TBC1D12: variants seen among roughly 807,000 people sequenced by gnomAD.
TBC1D12 encodes the protein TBC1 domain family, member 12.
In TBC1D12, 56 loss-of-function variants were observed where a neutral mutation model predicts 86.7. That is an observed-to-expected ratio of 0.65 (90% CI 0.52 to 0.81). The LOEUF (loss-of-function observed/expected upper bound fraction) is 0.81. Among genes scored for constraint, TBC1D12 ranks in the 30% least tolerant of loss-of-function variants. The pLI, the probability that TBC1D12 is intolerant of heterozygous loss-of-function variation, is 0.00. For missense variants in TBC1D12, 1,023 were observed against 1,038.8 expected (o/e 0.98, Z 0.21); for synonymous variants, 421 against 411.7 (o/e 1.02, Z -0.27).
chr10:94,403,632 C>G (rs1285093233), intron 1 of TBC1D12, 48 bp downstream of exon 1: 6 of 1,402,022 alleles, frequency 4.3e-6, no homozygotes, highest in South Asian at 3.3e-5. Context: ...GGGCCGGGGC[C>G]GGAGCCGGGG....
chr10:94,500,876 C>G (rs574912921), intron 6 of TBC1D12, among the ~76,000 whole-genome samples: 4 of 151,600 alleles, frequency 2.6e-5, no homozygotes, highest in South Asian at 4.2e-4. Context: ...GCCAACATAG[C>G]GAAACCCTGT....
intron 4 of TBC1D12, among the ~76,000 whole-genome samples, chr10:94,494,833 C>T (rs555008125): frequency 1.3e-5 from 2 of 152,162 alleles, no homozygotes; most frequent in African/African-American, 4.8e-5. Flanking sequence ...TGTGAGCCAC[C>T]ACATCCAGCC....
chr10:94,484,556 C>T lies in TBC1D12; in HGVS notation c.1212-8809C>T, dbSNP rs552077580. Among the ~76,000 whole-genome samples the T allele has an allele frequency of 3.3e-5, 5 of 152,218 alleles. No homozygotes were observed. In the South Asian group the frequency reaches 8.3e-4, roughly 25 times the overall value. The stretch of plus-strand genomic sequence containing the variant: ...CGCCTGGCCAGTTTTGTTCTTTTTG[C>T]TCAAAATAGCTTTGGCTATTCTTGG... On this transcript the variant is annotated intron_variant, in intron 3 of 12. Coordinates refer to ENST00000225235, the MANE Select transcript of TBC1D12 (RefSeq NM_015188.2).
At chr10:94,436,794 CT>C (rs879687862) in intron 1 of TBC1D12, among the ~76,000 whole-genome samples, 116 of 142,510 alleles carry the variant, frequency 8.1e-4, no homozygotes, top group Non-Finnish European at 7.4e-4. Flanking sequence ...AGAAAAAAAT[CT>C]TTTTTTTTTT....
At chr10:94,488,986 A>G (rs925123944) in intron 3 of TBC1D12, among the ~76,000 whole-genome samples, 1 of 152,106 alleles carries the variant, frequency 6.6e-6, no homozygotes, top group Non-Finnish European at 1.5e-5. Context: ...GGAGTGGCGT[A>G]AGCACTCCCC....
intron 3 of TBC1D12, among the ~76,000 whole-genome samples, chr10:94,477,214 G>A (rs928002668): frequency 1.3e-5 from 2 of 152,120 alleles, no homozygotes; most frequent in Non-Finnish European, 2.9e-5. Context: ...GGTCTCTAGT[G>A]TTCCACCCAA....
intron 2 of TBC1D12, among the ~76,000 whole-genome samples, chr10:94,465,899 CGCAT>C (rs1307520713): frequency 3.3e-5 from 5 of 149,540 alleles, no homozygotes; most frequent in African/African-American, 1.2e-4. Context: ...TACATACATA[CGCAT>C]ATATACATAT....
chr10:94,483,663 A>G (rs1564970111), intron 3 of TBC1D12, among the ~76,000 whole-genome samples: 1 of 152,210 alleles, frequency 6.6e-6, no homozygotes, highest in South Asian at 2.1e-4. Flanking sequence ...TCTAGTTATT[A>G]TATTAATCCC....
intron 1 of TBC1D12, among the ~76,000 whole-genome samples, chr10:94,406,138 A>G (rs1363959541): frequency 6.6e-6 from 1 of 152,192 alleles, no homozygotes; most frequent in East Asian, 1.9e-4. Flanking sequence ...AGGCTTTCAT[A>G]TTATTAACAG....
chr10:94,481,109 G>A (rs187352335), intron 3 of TBC1D12, among the ~76,000 whole-genome samples: 55 of 141,746 alleles, frequency 3.9e-4, no homozygotes, highest in East Asian at 2.0e-3. Context: ...TCATTTAACC[G>A]TGCTGTAAAC....
chr10:94,488,175 C>T (rs972660477), intron 3 of TBC1D12, among the ~76,000 whole-genome samples: 2 of 151,872 alleles, frequency 1.3e-5, no homozygotes, highest in Non-Finnish European at 2.9e-5. Context: ...CACTTGAGGT[C>T]AGGAGTTCCA....
chr10:94,406,962 C>A (rs1290713598), intron 1 of TBC1D12, among the ~76,000 whole-genome samples: 2 of 152,116 alleles, frequency 1.3e-5, no homozygotes, highest in Admixed American at 6.5e-5. Flanking sequence ...TTTTCTCTCC[C>A]ACCTATTTAT....
chr10:94,521,043 A>G (rs1321902759), intron 9 of TBC1D12, among the ~76,000 whole-genome samples: 1 of 151,176 alleles, frequency 6.6e-6, no homozygotes, highest in Non-Finnish European at 1.5e-5. Flanking sequence ...TTTTTTTTTT[A>G]ATTAAACAAA....
chr10:94,519,797 CCTT>C (rs1406074491), intron 9 of TBC1D12, among the ~76,000 whole-genome samples: 2 of 152,170 alleles, frequency 1.3e-5, no homozygotes, highest in Non-Finnish European at 2.9e-5. Context: ...GACTAACCTG[CCTT>C]CTTCTTTCAC....
At chr10:94,531,516 A>T in intron 12 of TBC1D12, 56 bp downstream of exon 12, 3 of 1,484,776 alleles carry the variant, frequency 2.0e-6, no homozygotes, top group Non-Finnish European at 2.7e-6. Flanking sequence ...GACTTATTGT[A>T]AAAAAGTTAG....
intron 1 of TBC1D12, among the ~76,000 whole-genome samples, chr10:94,414,198 A>G (rs1345653628): frequency 6.6e-6 from 1 of 152,140 alleles, no homozygotes; most frequent in Non-Finnish European, 1.5e-5. Context: ...GATAAAGAAG[A>G]TTTGAGGGTT....
intron 3 of TBC1D12, among the ~76,000 whole-genome samples, chr10:94,475,521 C>G (rs1403250218): frequency 6.6e-6 from 1 of 152,184 alleles, no homozygotes; most frequent in African/African-American, 2.4e-5. Context: ...GCTTCCACTT[C>G]CTGGGTTCAA....
At position 94,497,159 on chromosome 10, in the gene TBC1D12, A is replaced by G; in HGVS notation, c.1399A>G (p.Asn467Asp). 5 of 1,540,200 alleles carry G rather than the reference A, an allele frequency of 3.2e-6. No individual in the cohort carries two copies. Among genetic ancestry groups the G allele is most frequent in the South Asian group, 1.3e-5 (1 of 78,454 alleles). The change falls in exon 5 of 13, where the codon AAT becomes GAT. Residue 467 changes from asparagine to aspartate, a missense_variant. Around this residue, in one of 2 missense-constraint regions of TBC1D12, gnomAD observed 395 missense variants for 507.7 expected, o/e 0.78. Coordinates refer to ENST00000225235, the MANE Select transcript of TBC1D12 (RefSeq NM_015188.2). ...AATTTGGATCAATGAAATACTGCCC[A>G]ATTGGGAAGTAATGTAAGTAAGCAG... ...MVIWINEILP[N>D]WEVMRSTRRV...
intron 2 of TBC1D12, among the ~76,000 whole-genome samples, chr10:94,465,090 T>C (rs1589634991): frequency 6.6e-6 from 1 of 152,224 alleles, no homozygotes. Context: ...CAAGTGGTTG[T>C]TTCTTAAAGG....
Sources: gnomAD v4.1 joint callset for allele counts (sites outside exome capture counted in the v4.1 genomes callset) on GRCh38, gnomAD v4.1.1 for gene constraint, gnomAD v4.1.1 regional missense constraint, MANE v1.5 for transcripts, NCBI Gene and HGNC (gene_info 2026-07-23, HGNC 2026-07-21) for gene names.